Variants in SAMHD1 observed in about 807,000 individuals in gnomAD.
SAMHD1 encodes the protein SAM and HD domain containing deoxynucleoside triphosphate triphosphohydrolase 1, also known as deoxynucleoside triphosphate triphosphohydrolase SAMHD1.
SAMHD1 carries 54 observed loss-of-function variants against 79.6 expected under a neutral mutation model. The ratio of observed to expected loss-of-function variants is 0.68; its 90% CI spans 0.55 to 0.85. The LOEUF (loss-of-function observed/expected upper bound fraction) is 0.85, where lower values mean the gene tolerates loss of function less well. SAMHD1 is among the 40% of genes least tolerant of loss of function. The pLI is 0.00. For missense variants in SAMHD1, 663 were observed against 782.7 expected (o/e 0.85, Z 1.82); for synonymous variants, 260 against 264.1 (o/e 0.98, Z 0.15).
chr20:36,900,160 G>A (rs963193447), intron 13 of SAMHD1, among the ~76,000 whole-genome samples: 1 of 152,084 alleles, frequency 6.6e-6, no homozygotes, highest in African/African-American at 2.4e-5. Flanking sequence ...GAGGCAAGAT[G>A]TTAAAGAAAA....
intron 1 of SAMHD1, among the ~76,000 whole-genome samples, chr20:36,947,561 TG>T (rs2063701743): frequency 1.4e-5 from 1 of 72,348 alleles, no homozygotes; most frequent in Non-Finnish European, 3.4e-5. Context: ...GGTGTGTGTG[TG>T]TGTGTGTGTG....
At chr20:36,948,786 G>C (rs1165935662) in intron 1 of SAMHD1, among the ~76,000 whole-genome samples, 1 of 148,520 alleles carries the variant, frequency 6.7e-6, no homozygotes, top group Non-Finnish European at 1.5e-5. Flanking sequence ...AGAATTGCTT[G>C]AACCCGGGAG....
At chr20:36,904,471 C>G in intron 12 of SAMHD1, 1 of 484,660 alleles carries the variant, frequency 2.1e-6, no homozygotes, top group South Asian at 2.0e-5. Context: ...ATAATCCCAG[C>G]ACTTTGGGAG....
intron 11 of SAMHD1, among the ~76,000 whole-genome samples, chr20:36,908,019 C>A (rs1224991602): frequency 1.3e-5 from 2 of 151,984 alleles, no homozygotes; most frequent in East Asian, 1.9e-4. Flanking sequence ...GGACTACAGG[C>A]ACCCGCCAGC....
intron 7 of SAMHD1, 31 bp downstream of exon 7, chr20:36,919,329 CCAGT>C: frequency 6.2e-7 from 1 of 1,603,300 alleles, no homozygotes; most frequent in Non-Finnish European, 8.5e-7. Flanking sequence ...ATGAAAAGCA[CCAGT>C]CAGTTAAAAT....
At chr20:36,933,249 C>G (rs552331415) in intron 4 of SAMHD1, among the ~76,000 whole-genome samples, 2 of 151,966 alleles carry the variant, frequency 1.3e-5, no homozygotes, top group African/African-American at 2.4e-5. Flanking sequence ...CTTCCCTGTC[C>G]ACTTCCTCCT....
rs1216020555 is a variant in SAMHD1, at chr20:36,914,229, A to G, written c.1063-1677T>C. Among the ~76,000 whole-genome samples, 2 of 152,204 alleles carry G rather than the reference A, an allele frequency of 1.3e-5. 1 individual carries two copies. Among genetic ancestry groups the G allele is most frequent in the African/African-American group, 4.8e-5 (2 of 41,454 alleles). On this transcript the variant is annotated intron_variant, in intron 9 of 15. Coordinates refer to ENST00000646673, the MANE Select transcript of SAMHD1 (RefSeq NM_015474.4). ...GCCCCGCTGCCACCCCTGAGACAGT[A>G]AGACCAATCCCTCCTGTTCCTGAGC...
chr20:36,927,097 TAGTGG>T, intron 6 of SAMHD1, 80 bp downstream of exon 6: 1 of 1,155,116 alleles, frequency 8.7e-7, no homozygotes. Context: ...TATAACACAG[TAGTGG>T]AACCAAACAG....
intron 3 of SAMHD1, 89 bp from the exon 4 acceptor site, chr20:36,935,278 C>A: frequency 9.5e-7 from 1 of 1,051,768 alleles, no homozygotes; most frequent in South Asian, 1.3e-5. Context: ...AGTGCAAAGT[C>A]AAAGCTATTT....
chr20:36,895,936 T>C (rs1568758219), intron 15 of SAMHD1, among the ~76,000 whole-genome samples: 1 of 152,098 alleles, frequency 6.6e-6, no homozygotes, highest in Non-Finnish European at 1.5e-5. Context: ...TTAACAACTA[T>C]TTACATAGAT....
chr20:36,943,552 T>A (rs2063662499), intron 2 of SAMHD1, among the ~76,000 whole-genome samples: 1 of 152,204 alleles, frequency 6.6e-6, no homozygotes. Context: ...GTCTGTTTTG[T>A]TCACTCATGT....
intron 6 of SAMHD1, among the ~76,000 whole-genome samples, chr20:36,923,048 T>A (rs1243493044): frequency 6.6e-6 from 1 of 152,220 alleles, no homozygotes. Flanking sequence ...TCACCCAGGC[T>A]GGAGTGCAGT....
rs1311156629 is a variant in SAMHD1 at position 36,912,894 on chromosome 20, T to G, written c.1063-342A>C. ...CCAGCTAACTTTCATTCTTTGTTTT[T>G]TTTTTTTTTTTTTTTTTTTTTGAGA... is the stretch of plus-strand genomic sequence containing the variant. On this transcript the variant is annotated intron_variant, in intron 9 of 15. Transcript: ENST00000646673. Among the ~76,000 whole-genome samples, 230 of 128,046 alleles carry G rather than the reference T, an allele frequency of 1.8e-3. 8 individuals carry two copies. The highest frequency in any genetic ancestry group is 6.9e-3 in the African/African-American group (211 of 30,426). The allele number at this position is 128,046 out of a possible 152,430, so 84.0% of individuals were successfully genotyped here.
At chr20:36,938,863 AAAC>A (rs1029840025) in intron 3 of SAMHD1, among the ~76,000 whole-genome samples, 1 of 151,656 alleles carries the variant, frequency 6.6e-6, no homozygotes, top group African/African-American at 2.4e-5. Context: ...AAACAAAACA[AAAC>A]AACAACAAAA....
chr20:36,912,228 C>A, intron 10 of SAMHD1: 2 of 511,856 alleles, frequency 3.9e-6, no homozygotes, highest in South Asian at 4.1e-5. Context: ...CTCTTCTTCC[C>A]TTCATCTGCC....
chr20:36,931,540 G>A (rs2063567903), intron 4 of SAMHD1, among the ~76,000 whole-genome samples: 1 of 152,126 alleles, frequency 6.6e-6, no homozygotes, highest in Non-Finnish European at 1.5e-5. Context: ...GGGAGGCTGA[G>A]GCAGGAGAAT....
chr20:36,912,379 A>G, intron 10 of SAMHD1, 82 bp downstream of exon 10: 1 of 830,922 alleles, frequency 1.2e-6, no homozygotes, highest in Non-Finnish European at 2.1e-6. Flanking sequence ...ACTCATCTAG[A>G]AATGTCTAGT....
chr20:36,928,552 G>A (rs2021647560), intron 5 of SAMHD1, among the ~76,000 whole-genome samples: 1 of 152,016 alleles, frequency 6.6e-6, no homozygotes, highest in South Asian at 2.1e-4. Context: ...GGGTGTGGTG[G>A]CAGGCGCCTG....
chr20:36,907,208 C>T (rs2063410152), intron 11 of SAMHD1, among the ~76,000 whole-genome samples: 1 of 152,008 alleles, frequency 6.6e-6, no homozygotes, highest in East Asian at 1.9e-4. Context: ...CCTCCTGCCT[C>T]AGCCCTTGAG....
Sources: allele counts gnomAD v4.1 joint callset (sites outside exome capture counted in the v4.1 genomes callset), GRCh38; gene constraint gnomAD v4.1.1; transcripts MANE v1.5; gene names NCBI Gene and HGNC (gene_info 2026-07-23, HGNC 2026-07-21).